MAST1: variants seen among roughly 807,000 people sequenced by gnomAD.
MAST1 encodes the protein microtubule associated serine/threonine kinase 1.
In MAST1, 40 loss-of-function variants were observed where a neutral mutation model predicts 124.6. The observed-to-expected ratio is 0.32, with a 90% confidence interval of 0.25 to 0.42. The LOEUF (loss-of-function observed/expected upper bound fraction) is 0.42, where lower values mean the gene tolerates loss of function less well. MAST1 is among the 10% of genes least tolerant of loss of function. MAST1 has a pLI of 1.00. For missense variants in MAST1, 1,558 were observed against 2,181.9 expected (o/e 0.71, Z 5.70); for synonymous variants, 938 against 939.4 (o/e 1.00, Z 0.03).
chr19:12,852,855 A>G (rs79108224), intron 10 of MAST1, among the ~76,000 whole-genome samples: 1 of 149,954 alleles, frequency 6.7e-6, no homozygotes, highest in Non-Finnish European at 1.5e-5. Flanking sequence ...CTCAAAAAAT[A>G]AAATAAAATA....
At position 12,874,670 on chromosome 19, in the gene MAST1, C is replaced by T. The variant is rs1454867947; in HGVS notation, c.4513C>T (p.Pro1505Ser). 6.5e-7 allele frequency: 1 copy of T among 1,542,646 alleles called. No homozygotes were observed. Among genetic ancestry groups the T allele is most frequent in the Admixed American group, 1.9e-5 (1 of 51,742 alleles). The change falls in exon 26 of 26, where the codon CCG (proline) becomes TCG (serine). Residue 1505 changes from proline (P) to serine (S), a missense_variant. Pro to Ser is a moderately conservative substitution (Grantham distance 74). Transcript: ENST00000251472. The surrounding 1 kb of genome is among the most constrained non-coding windows in gnomAD (Gnocchi z 6.6). ...RSKPASPKLS[P>S]EPQTPSLAPA... Reference sequence around the variant, plus strand: ...CAAGCCCGCCTCCCCAAAGCTCTCCCCGGAGCCCCAGACACCCTCCCTAGC... The same window carrying T: ...CAAGCCCGCCTCCCCAAAGCTCTCCTCGGAGCCCCAGACACCCTCCCTAGC...
At chr19:12,867,116 C>A (rs1476147285) in intron 18 of MAST1, among the ~76,000 whole-genome samples, 2 of 152,032 alleles carry the variant, frequency 1.3e-5, no homozygotes, top group Non-Finnish European at 2.9e-5. Flanking sequence ...TTTATTTTTT[C>A]TAATAACGGG....
chr19:12,857,621 C>T (rs1194202189), intron 10 of MAST1, among the ~76,000 whole-genome samples: 2 of 151,708 alleles, frequency 1.3e-5, no homozygotes, highest in Non-Finnish European at 2.9e-5. Flanking sequence ...ACAGTGTTAG[C>T]CAGGATGGTC....
At chr19:12,872,306 C>T (rs1005343949) in intron 24 of MAST1, among the ~76,000 whole-genome samples, 2 of 151,960 alleles carry the variant, frequency 1.3e-5, no homozygotes, top group Non-Finnish European at 2.9e-5. Context: ...TGAGTTTGGC[C>T]CAGACAAGTA....
At chr19:12,857,854 C>G (rs566709814) in intron 10 of MAST1, among the ~76,000 whole-genome samples, 2 of 151,816 alleles carry the variant, frequency 1.3e-5, no homozygotes, top group African/African-American at 4.8e-5. Flanking sequence ...ATGGCAAAAC[C>G]AAAATACTAA....
intron 10 of MAST1, among the ~76,000 whole-genome samples, chr19:12,854,452 G>A (rs571917381): frequency 2.0e-4 from 30 of 152,238 alleles, no homozygotes; most frequent in Middle Eastern, 3.4e-3. Context: ...AAATGGGATC[G>A]TATGCTCTGT....
At chr19:12,858,899 C>A in intron 12 of MAST1, 160 bp downstream of exon 12, 1 of 678,176 alleles carries the variant, frequency 1.5e-6, no homozygotes, top group South Asian at 1.8e-5. Flanking sequence ...TCCATTCTAC[C>A]TATATATTTA....
intron 12 of MAST1, among the ~76,000 whole-genome samples, chr19:12,860,564 C>A (rs1401989241): frequency 6.6e-6 from 1 of 150,726 alleles, no homozygotes; most frequent in Non-Finnish European, 1.5e-5. Flanking sequence ...CCTGCCTGAG[C>A]CTCCCGAGTA....
At position 12,843,497 on chromosome 19, in the gene MAST1, T is replaced by C. The variant is rs776110528; in HGVS notation, c.249-32T>C. The C allele has an allele frequency of 2.5e-6, 4 of 1,598,514 alleles. No individual in the cohort carries two copies. The highest frequency in any genetic ancestry group is 1.7e-5 in the Admixed American group (1 of 59,634). ...AGGAGTTGGGGGACCGCTGGGGCCT[T>C]GTGGCCTCTGAGCACCTTGGCTGGG... On this transcript the variant is annotated intron_variant, in intron 3 of 25. Coordinates refer to ENST00000251472, the MANE Select transcript of MAST1 (RefSeq NM_014975.3). This position sits in a 1 kb window ranked among gnomAD's most constrained non-coding sequence, Gnocchi z 4.9.
intron 24 of MAST1, chr19:12,872,729 C>T (rs1182358242): frequency 1.3e-5 from 2 of 153,002 alleles, no homozygotes; most frequent in African/African-American, 4.8e-5. Context: ...CCCATCTCTA[C>T]TAAAAATACA....
intron 10 of MAST1, among the ~76,000 whole-genome samples, chr19:12,854,516 A>G (rs955081352): frequency 1.3e-5 from 2 of 152,158 alleles, no homozygotes; most frequent in Non-Finnish European, 2.9e-5. Context: ...AGGTTTATCC[A>G]TGTTGTAGCT....
chr19:12,852,860 A>G (rs769471151), intron 10 of MAST1, among the ~76,000 whole-genome samples: 24 of 151,834 alleles, frequency 1.6e-4, no homozygotes, highest in Admixed American at 7.9e-4. Context: ...AAAATAAAAT[A>G]AAATAAAATA....
rs544538527 is a variant in MAST1, at chr19:12,873,521, C to G, written c.3451+10C>G. 3 of 1,596,992 alleles carry G rather than the reference C, an allele frequency of 1.9e-6. No individual in the cohort carries two copies. Among genetic ancestry groups the G allele is most frequent in the Admixed American group, 3.3e-5 (2 of 59,792 alleles). ...GACTCCGCCTACCTAGGTATTACCT[C>G]CTGCACCTGCGCGGGGACCGAGCAG... On this transcript the variant is annotated intron_variant, in intron 25 of 25. Transcript: ENST00000251472.
Position 12,865,987 on chromosome 19 carries a change from T to C in MAST1, c.1914T>C (p.Ala638=). ...GAATCCCTTCCGTCCCAGGCGGCGC[T>C]TTTGAGGTGAAGCAGCACAGTTTCT... is the stretch of plus-strand genomic sequence containing the variant. ...NPLVRLGAGG[A]FEVKQHSFFR... is the part of the protein sequence containing the mutation. Residue 638 remains alanine, a synonymous_variant, in exon 17 of 26, where the codon GCT becomes GCC. Transcript: ENST00000251472. This position sits in a 1 kb window ranked among gnomAD's most constrained non-coding sequence, Gnocchi z 7.1. 1 of 1,613,958 alleles carries C rather than the reference T, an allele frequency of 6.2e-7. No homozygotes were observed. The highest frequency in any genetic ancestry group is 8.5e-7 in the Non-Finnish European group (1 of 1,179,978).
chr19:12,852,002 C>G lies in MAST1; in HGVS notation c.843C>G (p.Ile281Met). 1 of 1,614,078 alleles carries G rather than the reference C, an allele frequency of 6.2e-7. No individual in the cohort carries two copies. The highest frequency in any genetic ancestry group is 8.5e-7 in the Non-Finnish European group (1 of 1,180,024). Residue 281 changes from isoleucine (I) to methionine (M), a missense_variant, in exon 8 of 26, where the codon ATC becomes ATG. By Grantham distance (10) the Ile-to-Met change is conservative. Coordinates refer to ENST00000251472, the MANE Select transcript of MAST1 (RefSeq NM_014975.3). ...AGCTGGTGAAGAAGTTGCTTATTAT[C>G]ATCTCACGCCCTGCGAGGCTGCTGG... ...VTQLVKKLLI[I>M]ISRPARLLEC... is the part of the protein sequence containing the mutation.
At position 12,866,719 on chromosome 19, in the gene MAST1, T is replaced by C. The variant is rs1172505957; in HGVS notation, c.2096T>C (p.Val699Ala). ...GATGACACGACGGAGGAGGAGCCCG[T>C]GGAAATCCGCCAGTTCTCTTCCTGC... ...DEDDTTEEEP[V>A]EIRQFSSCSP... Residue 699 changes from valine to alanine, a missense_variant, in exon 18 of 26, where the codon GTG becomes GCG. Val to Ala is a moderately conservative substitution (Grantham distance 64). Around this residue, in one of 10 missense-constraint regions of MAST1, gnomAD observed 287 missense variants for 308.0 expected, o/e 0.93. Coordinates refer to ENST00000251472, the MANE Select transcript of MAST1 (RefSeq NM_014975.3). The surrounding 1 kb of genome is among the most constrained non-coding windows in gnomAD (Gnocchi z 5.2). The C allele has an allele frequency of 3.7e-6, 6 of 1,613,878 alleles. No individual in the cohort carries two copies. Among genetic ancestry groups the C allele is most frequent in the Non-Finnish European group, 1.7e-6 (2 of 1,179,928 alleles).
intron 12 of MAST1, among the ~76,000 whole-genome samples, chr19:12,863,035 G>C (rs1263807068): frequency 6.6e-6 from 1 of 151,618 alleles, no homozygotes; most frequent in East Asian, 1.9e-4. Flanking sequence ...TATCATCCCA[G>C]CTACTCGGGA....
intron 12 of MAST1, among the ~76,000 whole-genome samples, chr19:12,862,709 C>T (rs1244489444): frequency 1.3e-5 from 2 of 150,626 alleles, no homozygotes; most frequent in African/African-American, 2.4e-5. Flanking sequence ...AACTCGTTGC[C>T]CAGGCTAGAG....
In MAST1 at chr19:12,841,095, A is replaced by G; in HGVS notation, c.248+29A>G. 1 of 1,112,432 alleles carries G rather than the reference A, an allele frequency of 9.0e-7. No individual in the cohort carries two copies. The highest frequency in any genetic ancestry group is 1.4e-6 in the Non-Finnish European group (1 of 725,608). 68.9% of individuals were successfully genotyped at this position (1,112,432 alleles called of 1,614,324 possible). On this transcript the variant is annotated intron_variant, in intron 3 of 25. Transcript: ENST00000251472. This position sits in a 1 kb window ranked among gnomAD's most constrained non-coding sequence, Gnocchi z 4.3. ...AGTCCCTCCCCTCCAGGGCCCCAGAACCCTGGGCAGACCCTCCCCAACCAC... is the reference window on the plus strand; with the variant it reads ...AGTCCCTCCCCTCCAGGGCCCCAGAGCCCTGGGCAGACCCTCCCCAACCAC...
Sources: gnomAD v4.1 joint callset for allele counts (sites outside exome capture counted in the v4.1 genomes callset) on GRCh38, gnomAD v4.1.1 for gene constraint, gnomAD v4.1.1 regional missense constraint, Gnocchi (gnomAD v3.1) non-coding constraint, MANE v1.5 for transcripts, NCBI Gene and HGNC (gene_info 2026-07-23, HGNC 2026-07-21) for gene names.